The following CPVL variants were observed in gnomAD, a reference collection of about 807,000 sequenced individuals.
CPVL encodes the protein probable serine carboxypeptidase CPVL.
A neutral mutation model predicts 63.7 loss-of-function variants in CPVL; 51 were observed. That is an observed-to-expected ratio of 0.80 (90% CI 0.64 to 1.01). The LOEUF is 1.01. Ranked by LOEUF, CPVL falls within the 50% of genes least tolerant of loss-of-function variation. The pLI, the probability that CPVL is intolerant of heterozygous loss-of-function variation, is 0.00. For missense variants in CPVL, 530 were observed against 573.1 expected (o/e 0.92, Z 0.77); for synonymous variants, 195 against 206.0 (o/e 0.95, Z 0.46).
chr7:29,187,664 G>A (rs1410635066), intron 1 of CPVL, among the ~76,000 whole-genome samples: 2 of 151,928 alleles, frequency 1.3e-5, no homozygotes, highest in African/African-American at 4.8e-5. Context: ...GGAGGCAGAG[G>A]TTGCAATGAG....
chr7:29,192,292 G>A (rs1057043264), intron 1 of CPVL: 8 of 152,086 alleles, frequency 5.3e-5, no homozygotes, highest in Admixed American at 3.3e-4. Flanking sequence ...AAATACCCCC[G>A]TCCCTTCATC....
chr7:29,058,382 C>T (rs1054715851), intron 11 of CPVL, among the ~76,000 whole-genome samples: 1 of 152,152 alleles, frequency 6.6e-6, no homozygotes, highest in Middle Eastern at 3.4e-3. Flanking sequence ...ATCCTGCAAC[C>T]TTGTTATGAT....
At chr7:29,160,043 C>T (rs1689835578) in intron 5 of CPVL, among the ~76,000 whole-genome samples, 1 of 152,178 alleles carries the variant, frequency 6.6e-6, no homozygotes, top group South Asian at 2.1e-4. Flanking sequence ...AGCCAATCTT[C>T]ATTATTATCT....
At chr7:29,128,175 G>GTTTTTTTTTT (rs67806252) in intron 1 of CPVL, 1 of 139,604 alleles carries the variant, frequency 7.2e-6, no homozygotes, top group African/African-American at 2.7e-5. Context: ...AAAGTTAAGA[G>GTTTTTTTTTT]TTTTTTTTTT....
chr7:29,148,718 A>G (rs1474637334), upstream of CPVL: 2 of 152,196 alleles, frequency 1.3e-5, no homozygotes, highest in African/African-American at 4.8e-5. Context: ...TAGACACTTG[A>G]TTAAAAAGAA....
At chr7:29,098,586 C>T (rs1416873147) in intron 3 of CPVL, among the ~76,000 whole-genome samples, 3 of 152,132 alleles carry the variant, frequency 2.0e-5, no homozygotes, top group East Asian at 1.9e-4. Context: ...GCCAAGAGTC[C>T]GACTGAGGCC....
intron 1 of CPVL, among the ~76,000 whole-genome samples, chr7:29,128,895 C>T (rs989001498): frequency 1.2e-4 from 19 of 152,102 alleles, no homozygotes; most frequent in African/African-American, 4.3e-4. Context: ...AAGGTGCTTA[C>T]TGTGGGTTGG....
intron 5 of CPVL, among the ~76,000 whole-genome samples, chr7:29,153,283 T>A (rs533698610): frequency 6.6e-6 from 1 of 152,200 alleles, no homozygotes. Flanking sequence ...TGGAAATAAA[T>A]AAACATCTGT....
At chr7:29,053,258 G>T (rs982368682) in intron 11 of CPVL, among the ~76,000 whole-genome samples, 1 of 152,148 alleles carries the variant, frequency 6.6e-6, no homozygotes, top group Admixed American at 6.5e-5. Context: ...CTACCCAAGA[G>T]AATGGAAAAC....
At chr7:29,194,781 G>C (rs1783417789) in intron 1 of CPVL, 1 of 507,592 alleles carries the variant, frequency 2.0e-6, no homozygotes, top group African/African-American at 2.0e-5. Context: ...ATCTGGTGGA[G>C]CAGGAAGTGC....
chr7:29,034,621 T>C (rs1788341578), intron 11 of CPVL, among the ~76,000 whole-genome samples: 2 of 152,074 alleles, frequency 1.3e-5, no homozygotes, highest in African/African-American at 4.8e-5. Flanking sequence ...CATGTGTCCA[T>C]GTGTTCTCAT....
At chr7:29,177,947 G>A (rs1448695074) in intron 5 of CPVL, among the ~76,000 whole-genome samples, 1 of 151,892 alleles carries the variant, frequency 6.6e-6, no homozygotes, top group African/African-American at 2.4e-5. Context: ...CCCACACAAA[G>A]TTCCCCCTCC....
Position 29,096,160 on chromosome 7 carries a change from A to G in CPVL, c.346T>C (p.Ser116Pro). 6.2e-7 allele frequency: 1 copy of G among 1,614,230 alleles called. No homozygotes were observed. The highest frequency in any genetic ancestry group is 1.1e-5 in the South Asian group (1 of 91,084). Residue 116 changes from serine (S) to proline (P), a missense_variant, in exon 4 of 13, where the codon TCC (serine) becomes CCC (proline). Transcript: ENST00000265394. ...TGTTCCACAAAGAGTCCAAACATGG[A>G]TGAACCTCCCGGCCCACCCTGTAGC... The part of the protein sequence containing the change: ...LWLQGGPGGS[S>P]MFGLFVEHGP...
At chr7:29,195,092 C>T in exon 1 of CPVL, 2 of 1,308,764 alleles carry the variant, frequency 1.5e-6, no homozygotes, top group East Asian at 2.8e-5. Flanking sequence ...GCCATCCCGC[C>T]CGCTCTCTCG....
At chr7:29,134,082 T>C (rs1790955735) in intron 1 of CPVL, among the ~76,000 whole-genome samples, 2 of 152,098 alleles carry the variant, frequency 1.3e-5, no homozygotes, top group African/African-American at 4.8e-5. Flanking sequence ...TAAGAAACAG[T>C]GAAAGTTGGG....
chr7:29,050,994 A>G (rs1790098780), intron 11 of CPVL, among the ~76,000 whole-genome samples: 1 of 152,190 alleles, frequency 6.6e-6, no homozygotes, highest in African/African-American at 2.4e-5. Context: ...AAAAACATAA[A>G]GTGGGGAAAG....
chr7:29,090,818 T>A (rs1785694744), intron 6 of CPVL, among the ~76,000 whole-genome samples: 1 of 152,208 alleles, frequency 6.6e-6, no homozygotes, highest in African/African-American at 2.4e-5. Flanking sequence ...GCAGCAAAAC[T>A]GTGAACGGTA....
At chr7:29,066,229 A>G in intron 9 of CPVL, 108 bp from the exon 10 acceptor site, 2 of 666,586 alleles carry the variant, frequency 3.0e-6, no homozygotes, top group Non-Finnish European at 5.2e-6. Flanking sequence ...TCATTCCTTT[A>G]TTGTTTCATC....
chr7:29,082,901 TACACACGAAGTAGACC>T (rs1356972514), intron 7 of CPVL, among the ~76,000 whole-genome samples: 1 of 152,202 alleles, frequency 6.6e-6, no homozygotes, highest in African/African-American at 2.4e-5. Flanking sequence ...GACAAGGCAT[TACACACGAAGTAGACC>T]ACTCTTCTGT....
Sources: allele counts gnomAD v4.1 joint callset (sites outside exome capture counted in the v4.1 genomes callset), GRCh38; gene constraint gnomAD v4.1.1; transcripts MANE v1.5; gene names NCBI Gene and HGNC (gene_info 2026-07-23, HGNC 2026-07-21).